Variants in OXR1 observed in about 807,000 individuals in gnomAD.
The protein encoded by OXR1 is oxidation resistance 1.
In OXR1, 41 loss-of-function variants were observed where a neutral mutation model predicts 104.6. The ratio of observed to expected loss-of-function variants is 0.39; its 90% CI spans 0.31 to 0.51. The LOEUF (loss-of-function observed/expected upper bound fraction) is 0.51, where lower values mean the gene tolerates loss of function less well. OXR1 is among the 20% of genes least tolerant of loss of function. The probability of loss-of-function intolerance (pLI) is 0.77; values close to 1 mark genes in which losing one functional copy is unlikely to be tolerated. For missense variants in OXR1, 955 were observed against 1,031.9 expected, an observed-to-expected ratio of 0.93 and a Z score of 1.02; for synonymous variants, 348 against 348.4, an observed-to-expected ratio of 1.00 and a Z score of 0.01.
At chr8:106,543,362 T>C (rs1815106943) in intron 3 of OXR1, among the ~76,000 whole-genome samples, 1 of 152,200 alleles carries the variant, frequency 6.6e-6, no homozygotes, top group East Asian at 1.9e-4. Flanking sequence ...TTAATGATTC[T>C]GAACACTGCA....
chr8:106,400,431 G>T (rs1317609871), intron 2 of OXR1, among the ~76,000 whole-genome samples: 1 of 152,060 alleles, frequency 6.6e-6, no homozygotes. Context: ...ACTCCCAAAA[G>T]AGGATGAAAC....
intron 11 of OXR1, among the ~76,000 whole-genome samples, chr8:106,734,230 A>G (rs62514967): frequency 0.017 from 2,560 of 152,258 alleles, 31 homozygotes; most frequent in East Asian, 0.039. Context: ...AAAATGGGGC[A>G]AAGTTTAACA....
At chr8:106,657,952 C>G in intron 3 of OXR1, 2 of 1,248,192 alleles carry the variant, frequency 1.6e-6, no homozygotes, top group Non-Finnish European at 2.0e-6. Flanking sequence ...CGTCGACCTC[C>G]TGGGCCCCAG....
At chr8:106,434,618 T>G (rs1407005386) in intron 2 of OXR1, among the ~76,000 whole-genome samples, 1 of 152,238 alleles carries the variant, frequency 6.6e-6, no homozygotes, top group Non-Finnish European at 1.5e-5. Flanking sequence ...AGTCAAATTA[T>G]TCTGAGAGAC....
intron 2 of OXR1, among the ~76,000 whole-genome samples, chr8:106,510,064 A>T (rs73309296): frequency 0.032 from 4,910 of 152,242 alleles, 266 homozygotes; most frequent in African/African-American, 0.11. Flanking sequence ...AAGCCACTGC[A>T]CCCAGCCCCA....
intron 2 of OXR1, among the ~76,000 whole-genome samples, chr8:106,403,597 C>T (rs1818089812): frequency 6.6e-6 from 1 of 152,140 alleles, no homozygotes; most frequent in Admixed American, 6.5e-5. Context: ...ACAAGCCTAC[C>T]CTAACATTCC....
At chr8:106,275,497 C>T (rs183583184) in intron 1 of OXR1, among the ~76,000 whole-genome samples, 14 of 152,276 alleles carry the variant, frequency 9.2e-5, no homozygotes, top group Non-Finnish European at 4.4e-5. Flanking sequence ...CTTTCAAAGA[C>T]TGAACATTCT....
At chr8:106,356,624 TA>T (rs1815985297) in intron 1 of OXR1, among the ~76,000 whole-genome samples, 1 of 152,016 alleles carries the variant, frequency 6.6e-6, no homozygotes, top group Non-Finnish European at 1.5e-5. Flanking sequence ...AAAAAGGACT[TA>T]GGGGGATTTT....
At chr8:106,506,506 G>A (rs1314375912) in intron 2 of OXR1, among the ~76,000 whole-genome samples, 6 of 152,100 alleles carry the variant, frequency 3.9e-5, no homozygotes, top group Admixed American at 6.5e-5. Context: ...CCAGCTACTC[G>A]GGAGGCTGAG....
chr8:106,657,206 T>C (rs2131054639), intron 3 of OXR1, among the ~76,000 whole-genome samples: 1 of 152,186 alleles, frequency 6.6e-6, no homozygotes, highest in Admixed American at 6.5e-5. Flanking sequence ...GATCATAGAA[T>C]GTCCAACACT....
intron 7 of OXR1, among the ~76,000 whole-genome samples, chr8:106,694,786 T>TA (rs1258113532): frequency 4.9e-5 from 6 of 122,466 alleles, no homozygotes; most frequent in South Asian, 2.3e-4. Context: ...TACATATATA[T>TA]TTAATAGATA....
intron 3 of OXR1, among the ~76,000 whole-genome samples, chr8:106,612,302 T>A (rs2130803941): frequency 6.6e-6 from 1 of 152,274 alleles, no homozygotes; most frequent in African/African-American, 2.4e-5. Flanking sequence ...ATAAGGCATA[T>A]AGGTTAAGTC....
chr8:106,386,179 GCTAGATTACATT>G (rs1469914270), intron 2 of OXR1, among the ~76,000 whole-genome samples: 1 of 152,184 alleles, frequency 6.6e-6, no homozygotes, highest in Non-Finnish European at 1.5e-5. Context: ...ACTTAAGCTA[GCTAGATTACATT>G]CTCTGCAAAC....
At chr8:106,724,737 C>T (rs765774554) in intron 11 of OXR1, among the ~76,000 whole-genome samples, 1 of 152,102 alleles carries the variant, frequency 6.6e-6, no homozygotes, top group Non-Finnish European at 1.5e-5. Flanking sequence ...GAGCCAGCCT[C>T]CTCAGAAACA....
intron 3 of OXR1, among the ~76,000 whole-genome samples, chr8:106,560,387 A>G (rs1344305303): frequency 6.6e-6 from 1 of 152,122 alleles, no homozygotes; most frequent in Admixed American, 6.5e-5. Context: ...CCTTAAGCCC[A>G]TCTTGATAGC....
intron 3 of OXR1, among the ~76,000 whole-genome samples, chr8:106,563,301 A>AG (rs1303345919): frequency 7.0e-6 from 1 of 143,534 alleles, no homozygotes; most frequent in Non-Finnish European, 1.5e-5. Context: ...GAAAGCAAAA[A>AG]AAAAAAAAAA....
chr8:106,280,007 G>C (rs1315192052), intron 1 of OXR1, among the ~76,000 whole-genome samples: 3 of 152,278 alleles, frequency 2.0e-5, no homozygotes, highest in South Asian at 2.1e-4. Context: ...GAGAGAGAGA[G>C]AGAGACAGAG....
intron 2 of OXR1, among the ~76,000 whole-genome samples, chr8:106,473,894 A>G (rs534650547): frequency 1.6e-4 from 24 of 148,912 alleles, no homozygotes; most frequent in African/African-American, 5.9e-4. Context: ...AGCCCTTATC[A>G]ATGGAAGGCA....
At chr8:106,327,340 T>A (rs1814512014) in intron 1 of OXR1, among the ~76,000 whole-genome samples, 1 of 152,232 alleles carries the variant, frequency 6.6e-6, no homozygotes, top group Non-Finnish European at 1.5e-5. Context: ...ATTTTAAAAC[T>A]AATTTCATGC....
Sources: allele counts gnomAD v4.1 joint callset (sites outside exome capture counted in the v4.1 genomes callset), GRCh38; gene constraint gnomAD v4.1.1; transcripts MANE v1.5; gene names NCBI Gene and HGNC (gene_info 2026-07-23, HGNC 2026-07-21).